Variants in CHCHD3 observed in about 807,000 individuals in gnomAD.
CHCHD3 encodes the protein MICOS complex subunit MIC19.
In CHCHD3, 20 loss-of-function variants were observed where a neutral mutation model predicts 38.2. The observed-to-expected ratio is 0.52, with a 90% CI of 0.37 to 0.76. CHCHD3 has a LOEUF of 0.76. Among genes scored for constraint, CHCHD3 ranks in the 30% least tolerant of loss-of-function variants. The probability of loss-of-function intolerance (pLI) is 0.00; values close to 1 mark genes in which losing one functional copy is unlikely to be tolerated. For missense variants in CHCHD3, 245 were observed against 279.2 expected (o/e 0.88, Z 0.87); for synonymous variants, 82 against 100.0 (o/e 0.82, Z 1.07).
chr7:133,071,288 T>C (rs2117540909), intron 1 of CHCHD3, among the ~76,000 whole-genome samples: 1 of 152,298 alleles, frequency 6.6e-6, no homozygotes, highest in South Asian at 2.1e-4. Context: ...GCCTAGTTAA[T>C]TCAATGAATG....
At chr7:133,014,094 C>T (rs1020976373) in intron 3 of CHCHD3, among the ~76,000 whole-genome samples, 1 of 151,960 alleles carries the variant, frequency 6.6e-6, no homozygotes, top group African/African-American at 2.4e-5. Flanking sequence ...TCCAACAACC[C>T]CATCAGGAAG....
chr7:132,975,346 T>C (rs1351112870), intron 3 of CHCHD3, 60 bp from the exon 4 acceptor site: 5 of 1,374,892 alleles, frequency 3.6e-6, no homozygotes, highest in Non-Finnish European at 5.1e-6. Context: ...CATTATTTTC[T>C]ATCAAATGAA....
At chr7:132,986,820 G>A (rs1034010408) in intron 3 of CHCHD3, among the ~76,000 whole-genome samples, 3 of 152,188 alleles carry the variant, frequency 2.0e-5, no homozygotes, top group Non-Finnish European at 2.9e-5. Context: ...GATAGGAAGG[G>A]ATAGGCTATC....
intron 6 of CHCHD3, among the ~76,000 whole-genome samples, chr7:132,816,104 T>G (rs1807195053): frequency 6.6e-6 from 1 of 152,238 alleles, no homozygotes; most frequent in African/African-American, 2.4e-5. Flanking sequence ...GTCATGTAGT[T>G]CAGACTGGGC....
chr7:132,859,322 T>G (rs1404472944), intron 5 of CHCHD3, among the ~76,000 whole-genome samples: 1 of 152,234 alleles, frequency 6.6e-6, no homozygotes, highest in Non-Finnish European at 1.5e-5. Flanking sequence ...GATCCACATG[T>G]CAGCTGTCTG....
intron 7 of CHCHD3, 46 bp from the exon 8 acceptor site, chr7:132,785,706 A>G: frequency 6.3e-7 from 1 of 1,593,180 alleles, no homozygotes. Context: ...GGGAGAGGAC[A>G]AAAAATAAAT....
At chr7:132,866,146 T>A (rs188784521) in intron 5 of CHCHD3, among the ~76,000 whole-genome samples, 4 of 152,304 alleles carry the variant, frequency 2.6e-5, no homozygotes, top group Admixed American at 2.0e-4. Context: ...CCCATGCACA[T>A]ATTATTTAAC....
intron 3 of CHCHD3, among the ~76,000 whole-genome samples, chr7:133,010,716 C>T (rs547399948): frequency 1.1e-4 from 17 of 152,110 alleles, no homozygotes; most frequent in South Asian, 6.2e-4. Flanking sequence ...GTAGCTGGGA[C>T]TACGGATGCC....
At chr7:132,943,934 A>G (rs1810835584) in intron 4 of CHCHD3, among the ~76,000 whole-genome samples, 1 of 152,108 alleles carries the variant, frequency 6.6e-6, no homozygotes, top group Non-Finnish European at 1.5e-5. Context: ...AATGCTAATA[A>G]GTAGGCAAGT....
At chr7:132,801,780 G>T (rs1454303641) in intron 6 of CHCHD3, among the ~76,000 whole-genome samples, 3 of 152,120 alleles carry the variant, frequency 2.0e-5, no homozygotes, top group Admixed American at 6.5e-5. Context: ...ATAAACCCAA[G>T]GTTTGAAAGA....
chr7:133,072,072 A>C (rs1814834015), intron 1 of CHCHD3, among the ~76,000 whole-genome samples: 1 of 151,924 alleles, frequency 6.6e-6, no homozygotes, highest in African/African-American at 2.4e-5. Context: ...CGGGAGGCTG[A>C]GGAGGGAGGA....
intron 4 of CHCHD3, among the ~76,000 whole-genome samples, chr7:132,886,308 T>C (rs949399996): frequency 6.6e-6 from 1 of 152,038 alleles, no homozygotes; most frequent in Admixed American, 6.5e-5. Context: ...TAAATAACCA[T>C]ATTTAAAAGT....
At chr7:133,026,750 C>T (rs374089643) in intron 2 of CHCHD3, among the ~76,000 whole-genome samples, 21 of 152,164 alleles carry the variant, frequency 1.4e-4, no homozygotes, top group East Asian at 5.8e-4. Flanking sequence ...GAAAACACTA[C>T]GCTAAGGGAA....
At position 132,889,401 on chromosome 7, in the gene CHCHD3, A is replaced by G. The variant is rs79012670; in HGVS notation, c.370-3656T>C. ...AAACACTAAGAGAATTCAACACTTG[A>G]GCCTGCTGAGGACACCGCATCAATC... On this transcript the variant is annotated intron_variant, in intron 4 of 7. Transcript: ENST00000262570. 3.9e-3 allele frequency among the ~76,000 whole-genome samples: 594 copies of G among 152,252 alleles called. 2 individuals are homozygous for G. Among genetic ancestry groups the G allele is most frequent in the African/African-American group, 0.014 (569 of 41,568 alleles).
intron 5 of CHCHD3, among the ~76,000 whole-genome samples, chr7:132,849,869 A>T (rs1219559451): frequency 2.0e-5 from 3 of 152,204 alleles, no homozygotes; most frequent in African/African-American, 7.2e-5. Flanking sequence ...AGCCTGTGTT[A>T]GGGTGCTGCA....
intron 4 of CHCHD3, chr7:132,886,877 T>C (rs1809230607): frequency 1.4e-6 from 1 of 705,118 alleles, no homozygotes; most frequent in East Asian, 3.4e-5. Context: ...TGATCAAGTA[T>C]TGTCTGTTTC....
intron 1 of CHCHD3, among the ~76,000 whole-genome samples, chr7:133,076,359 T>C (rs961559536): frequency 2.6e-5 from 4 of 152,184 alleles, no homozygotes; most frequent in Non-Finnish European, 5.9e-5. Flanking sequence ...TGTCTGCTTA[T>C]TGCATGGTTC....
At chr7:132,931,740 T>C (rs1810519972) in intron 4 of CHCHD3, among the ~76,000 whole-genome samples, 1 of 152,200 alleles carries the variant, frequency 6.6e-6, no homozygotes, top group Admixed American at 6.5e-5. Context: ...ACATTAACTA[T>C]CTACACTCTG....
chr7:132,840,376 T>C (rs1014236862), intron 5 of CHCHD3, among the ~76,000 whole-genome samples: 3 of 152,228 alleles, frequency 2.0e-5, no homozygotes. Flanking sequence ...ATTATGTTAC[T>C]GAACTATCTA....
Sources: allele counts gnomAD v4.1 joint callset (sites outside exome capture counted in the v4.1 genomes callset), GRCh38; gene constraint gnomAD v4.1.1; transcripts MANE v1.5; gene names NCBI Gene and HGNC (gene_info 2026-07-23, HGNC 2026-07-21).